Variants in MSN observed in about 807,000 individuals in gnomAD.
MSN encodes the protein epididymis luminal protein 70.
In MSN, 2 loss-of-function variants were observed where a neutral mutation model predicts 48.0. That is an observed-to-expected ratio of 0.04 (90% confidence interval 0.02 to 0.13). The LOEUF is 0.13. Among genes scored for constraint, MSN ranks in the 10% least tolerant of loss-of-function variants. The pLI is 1.00. For synonymous variants in MSN, 146 were observed against 166.9 expected (o/e 0.87, Z 0.97); for missense variants, 267 against 470.1 (o/e 0.57, Z 3.99).
intron 7 of MSN, among the ~76,000 whole-genome samples, chrX:65,733,868 G>A (rs920778182): frequency 8.1e-5 from 9 of 111,573 alleles, no homozygotes; most frequent in Non-Finnish European, 1.7e-4. Flanking sequence ...TGGCCGGGCT[G>A]GTCTTGAACT....
At chrX:65,690,506 C>T (rs1362189688) in intron 1 of MSN, among the ~76,000 whole-genome samples, 6 of 111,532 alleles carry the variant, frequency 5.4e-5, no homozygotes, top group South Asian at 3.8e-4. Flanking sequence ...ACCGTCTGGG[C>T]GTGAGCAGAC....
intron 1 of MSN, among the ~76,000 whole-genome samples, chrX:65,636,017 A>G (rs2070596378): frequency 8.9e-6 from 1 of 112,134 alleles, no homozygotes; most frequent in African/African-American, 3.2e-5. Context: ...AGGGAGAAAA[A>G]AGAATCTCTT....
chrX:65,730,327 A>G (rs2071610579), intron 4 of MSN, among the ~76,000 whole-genome samples: 1 of 112,173 alleles, frequency 8.9e-6, no homozygotes, highest in Non-Finnish European at 1.9e-5. Flanking sequence ...CATCTGAGGC[A>G]GAGCCAGAGC....
chrX:65,716,688 A>G (rs1332705890), intron 1 of MSN, 130 bp from the exon 2 acceptor site: 3 of 523,117 alleles, frequency 5.7e-6, no homozygotes, highest in Admixed American at 5.8e-5. Context: ...CTTCATCCCC[A>G]TCAGTATCTA....
intron 1 of MSN, among the ~76,000 whole-genome samples, chrX:65,647,214 T>C (rs1362368361): frequency 6.0e-5 from 6 of 100,104 alleles, no homozygotes; most frequent in African/African-American, 1.9e-4. Flanking sequence ...CTCTATCTCT[T>C]TTTTTTTTTT....
At chrX:65,716,491 G>A in intron 1 of MSN, 1 of 305,095 alleles carries the variant, frequency 3.3e-6, no homozygotes, top group Non-Finnish European at 6.4e-6. Context: ...ACCCAGGCTG[G>A]TCTCGAACTC....
In MSN at chrX:65,729,481, A is replaced by G; in HGVS notation, c.236A>G (p.Lys79Arg). Residue 79 changes from lysine to arginine, a missense_variant, in exon 4 of 13, where the codon AAG becomes AGG. Physicochemically the swap from Lys to Arg is conservative, Grantham distance 26. Coordinates refer to ENST00000360270, the MANE Select transcript of MSN (RefSeq NM_002444.3). ...CGGAAGGAAAGCCCCCTGCTCTTTA[A>G]GTTCCGTGCCAAGTTCTACCCTGAG... ...DVRKESPLLFKFRAKFYPEDV... is the reference protein window; with the variant it reads ...DVRKESPLLFRFRAKFYPEDV... 4 of 1,211,411 alleles carry G rather than the reference A, an allele frequency of 3.3e-6. No individual in the cohort carries two copies. The South Asian group carries it at 7.0e-5, about 21-fold the overall frequency.
intron 1 of MSN, among the ~76,000 whole-genome samples, chrX:65,629,773 C>A (rs1209456642): frequency 4.5e-5 from 5 of 111,874 alleles, no homozygotes; most frequent in Non-Finnish European, 7.5e-5. Context: ...GATTAAATTA[C>A]ACCCCCACCG....
chrX:65,659,975 G>T (rs1407264189), intron 1 of MSN, among the ~76,000 whole-genome samples: 1 of 110,099 alleles, frequency 9.1e-6, no homozygotes, highest in African/African-American at 3.3e-5. Flanking sequence ...GGGGTAAGGT[G>T]GGGGGACTAT....
chrX:65,661,823 C>T (rs1198585913), intron 1 of MSN, among the ~76,000 whole-genome samples: 1 of 112,147 alleles, frequency 8.9e-6, no homozygotes, highest in Non-Finnish European at 1.9e-5. Flanking sequence ...AGTTCCAGAC[C>T]TGCCTGGCCA....
intron 1 of MSN, among the ~76,000 whole-genome samples, chrX:65,604,234 G>C (rs986579543): frequency 1.8e-5 from 2 of 111,984 alleles, no homozygotes; most frequent in Non-Finnish European, 3.8e-5. Flanking sequence ...CTGGAGCAGA[G>C]GACAGATGTC....
intron 2 of MSN, among the ~76,000 whole-genome samples, chrX:65,721,197 C>T (rs751555305): frequency 5.4e-5 from 6 of 112,128 alleles, no homozygotes; most frequent in South Asian, 3.7e-4. Flanking sequence ...AAGAAATAAA[C>T]GCCCTTGAGG....
At position 65,690,919 on chromosome X, in the gene MSN, T is replaced by C. The variant is rs185561107; in HGVS notation, c.12+23066T>C. Reference sequence around the variant, plus strand: ...GATTATTTTTCCACTGTTTTACATGTAGTATCCCGAGTAGAGAATAAGCTC... The same window carrying C: ...GATTATTTTTCCACTGTTTTACATGCAGTATCCCGAGTAGAGAATAAGCTC... On this transcript the variant is annotated intron_variant, in intron 1 of 12. Transcript: ENST00000360270. Among the ~76,000 whole-genome samples the C allele has an allele frequency of 1.3e-3, 141 of 111,483 alleles. 1 individual carries two copies. Among genetic ancestry groups the C allele is most frequent in the African/African-American group, 4.4e-3 (136 of 30,646 alleles).
chrX:65,723,527 G>T (rs376266136), intron 2 of MSN, among the ~76,000 whole-genome samples: 13 of 111,816 alleles, frequency 1.2e-4, no homozygotes, highest in African/African-American at 4.2e-4. Flanking sequence ...TTTTTCCTCA[G>T]GGATAGGACC....
intron 1 of MSN, among the ~76,000 whole-genome samples, chrX:65,650,029 A>T (rs1268656065): frequency 1.1e-5 from 1 of 91,218 alleles, no homozygotes; most frequent in Non-Finnish European, 2.1e-5. Flanking sequence ...GTTAATATAG[A>T]CTCCACAGGC....
At chrX:65,661,892 G>T (rs768567438) in intron 1 of MSN, among the ~76,000 whole-genome samples, 12 of 112,538 alleles carry the variant, frequency 1.1e-4, no homozygotes, top group Non-Finnish European at 2.1e-4. Context: ...GCGTATGCCT[G>T]TAGTCCCAGA....
chrX:65,616,026 C>T (rs1394663621), intron 1 of MSN, among the ~76,000 whole-genome samples: 10 of 110,817 alleles, frequency 9.0e-5, no homozygotes, highest in East Asian at 2.8e-4. Context: ...AGATATGCGG[C>T]GTTATTTCTG....
intron 1 of MSN, among the ~76,000 whole-genome samples, chrX:65,599,408 G>A (rs1218421308): frequency 5.3e-5 from 6 of 112,834 alleles, no homozygotes; most frequent in Non-Finnish European, 1.1e-4. Context: ...GCTGAGGCGG[G>A]CAGATCATGA....
Position 65,698,846 on chromosome X carries a change from C to T in MSN, c.13-17972C>T, listed in dbSNP as rs1055702730. 4.5e-5 allele frequency among the ~76,000 whole-genome samples: 5 copies of T among 112,085 alleles called. No individual in the cohort carries two copies. In the South Asian group the frequency reaches 1.1e-3, roughly 25 times the overall value. ...TAGCTGGACACTTTTTTCCTGAAATCGCAATGCTGAAAGGACCTTTAGAGG... is the reference window on the plus strand; with the variant it reads ...TAGCTGGACACTTTTTTCCTGAAATTGCAATGCTGAAAGGACCTTTAGAGG... On this transcript the variant is annotated intron_variant, in intron 1 of 12. Transcript: ENST00000360270.
Sources: gnomAD v4.1 joint callset for allele counts (sites outside exome capture counted in the v4.1 genomes callset) on GRCh38, gnomAD v4.1.1 for gene constraint, MANE v1.5 for transcripts, NCBI Gene and HGNC (gene_info 2026-07-23, HGNC 2026-07-21) for gene names.